CACNA1C: variants seen among roughly 807,000 people sequenced by gnomAD.
CACNA1C encodes voltage-dependent L-type calcium channel subunit alpha-1C.
A neutral mutation model predicts 229.0 loss-of-function variants in CACNA1C; 30 were observed. The observed-to-expected ratio is 0.13, with a 90% CI of 0.10 to 0.18. The LOEUF is 0.18. Ranked by LOEUF, CACNA1C falls within the 10% of genes least tolerant of loss-of-function variation. The probability of loss-of-function intolerance (pLI) is 1.00; values close to 1 mark genes in which losing one functional copy is unlikely to be tolerated. For missense variants in CACNA1C, 1,658 were observed against 2,845.0 expected (o/e 0.58, Z 9.49); for synonymous variants, 1,114 against 1,132.5 (o/e 0.98, Z 0.33).
chr12:2,680,219 C>T (rs2097064880), intron 42 of CACNA1C: 1 of 604,806 alleles, frequency 1.7e-6, no homozygotes, highest in African/African-American at 2.0e-5. Context: ...TTGCCAGCCT[C>T]CCGGAGAGGG....
At chr12:2,075,886 T>C (rs2063020003) in intron 1 of CACNA1C, among the ~76,000 whole-genome samples, 1 of 152,188 alleles carries the variant, frequency 6.6e-6, no homozygotes. Context: ...CCCATTTTGG[T>C]ATAAACAGGG....
At chr12:2,218,323 G>C (rs2154346504) in intron 3 of CACNA1C, among the ~76,000 whole-genome samples, 1 of 152,320 alleles carries the variant, frequency 6.6e-6, no homozygotes, top group Middle Eastern at 3.4e-3. Flanking sequence ...CCTCCAAAGA[G>C]AGAAACCTGC....
At position 2,691,327 on chromosome 12, in the gene CACNA1C, G is replaced by C. The variant is rs1051673259; in HGVS notation, c.*128G>C. 9.8e-7 allele frequency: 1 copy of C among 1,018,314 alleles called. No individual in the cohort carries two copies. 63.1% of individuals were successfully genotyped at this position (1,018,314 alleles called of 1,614,324 possible). A position where few individuals can be genotyped will look rare whatever the true frequency, so the allele number is the denominator to read the frequency against. ...CAGCGTCTTCATTCATTTCTGTTGG[G>C]ACCAGACGCGGAGCCTGGGTGCGCG... On this transcript the variant is annotated 3_prime_UTR_variant, in exon 47 of 47. Transcript: ENST00000399655.
At chr12:2,638,602 C>T (rs1033284059) in intron 30 of CACNA1C, among the ~76,000 whole-genome samples, 1 of 152,200 alleles carries the variant, frequency 6.6e-6, no homozygotes, top group African/African-American at 2.4e-5. Context: ...CAAATGCAGT[C>T]ATCCAGGTGG....
At chr12:2,004,161 T>A (rs746917801) in intron 1 of CACNA1C, 2 of 1,407,708 alleles carry the variant, frequency 1.4e-6, no homozygotes, top group Admixed American at 2.1e-5. Context: ...AGTCCCCAGA[T>A]CCACCCACTT....
At chr12:2,430,610 GCA>G (rs1276117535) in intron 3 of CACNA1C, among the ~76,000 whole-genome samples, 8 of 152,192 alleles carry the variant, frequency 5.3e-5, no homozygotes, top group African/African-American at 1.7e-4. Context: ...CCCAATGCTG[GCA>G]CAGAGTATGT....
intron 3 of CACNA1C, among the ~76,000 whole-genome samples, chr12:2,421,546 T>C (rs1428868399): frequency 6.6e-6 from 1 of 152,174 alleles, no homozygotes; most frequent in Non-Finnish European, 1.5e-5. Flanking sequence ...TAATTCTATC[T>C]CACTACAACA....
At chr12:2,335,823 GT>G (rs2096675184) in intron 3 of CACNA1C, among the ~76,000 whole-genome samples, 1 of 152,152 alleles carries the variant, frequency 6.6e-6, no homozygotes, top group Non-Finnish European at 1.5e-5. Context: ...GATGAAGAAA[GT>G]TGTTGTGACT....
intron 9 of CACNA1C, among the ~76,000 whole-genome samples, chr12:2,533,833 GT>G (rs986454558): frequency 3.9e-5 from 6 of 152,186 alleles, no homozygotes; most frequent in Non-Finnish European, 7.3e-5. Context: ...ATCTCCACCT[GT>G]GGCTGGAGAC....
chr12:2,172,337 GC>G, intron 3 of CACNA1C, among the ~76,000 whole-genome samples: 1 of 152,320 alleles, frequency 6.6e-6, no homozygotes, highest in African/African-American at 2.4e-5. Context: ...AGTTTAAAAG[GC>G]AGCCTTTCCA....
intron 3 of CACNA1C, chr12:2,223,300 A>G (rs2061966783): frequency 6.6e-6 from 1 of 152,248 alleles, no homozygotes; most frequent in Admixed American, 6.5e-5. Flanking sequence ...AGGTCTAACC[A>G]ACTGCAGAGG....
At chr12:2,132,137 T>C (rs1373585972) in intron 3 of CACNA1C, among the ~76,000 whole-genome samples, 1 of 143,090 alleles carries the variant, frequency 7.0e-6, no homozygotes, top group Non-Finnish European at 1.5e-5. Context: ...ATGCTTGTGA[T>C]TTTTGTACAT....
intron 3 of CACNA1C, among the ~76,000 whole-genome samples, chr12:2,343,538 A>G (rs535733519): frequency 6.6e-6 from 1 of 152,314 alleles, no homozygotes; most frequent in South Asian, 2.1e-4. Flanking sequence ...ATACTGAAAA[A>G]AAAATTATTT....
At chr12:2,400,587 A>G (rs1016510962) in intron 3 of CACNA1C, among the ~76,000 whole-genome samples, 3 of 152,194 alleles carry the variant, frequency 2.0e-5, no homozygotes, top group Non-Finnish European at 2.9e-5. Context: ...AGATAATGCA[A>G]ATAACGTGCT....
chr12:2,097,545 A>G (rs1053482629), intron 1 of CACNA1C, among the ~76,000 whole-genome samples: 7 of 152,140 alleles, frequency 4.6e-5, no homozygotes, highest in African/African-American at 1.7e-4. Context: ...ATTTTTCCAC[A>G]TGATTGCCAA....
chr12:2,419,986 T>A (rs527936300), intron 3 of CACNA1C, among the ~76,000 whole-genome samples: 39 of 152,168 alleles, frequency 2.6e-4, no homozygotes, highest in Non-Finnish European at 4.6e-4. Context: ...CATTGCACTT[T>A]CAGCCTTGCT....
chr12:2,573,005 T>C (rs1426107213), intron 13 of CACNA1C, among the ~76,000 whole-genome samples: 5 of 141,700 alleles, frequency 3.5e-5, no homozygotes, highest in East Asian at 2.3e-4. Context: ...TCCTCCTTCT[T>C]CTCCTCCTCC....
At chr12:2,637,202 T>C (rs1482961605) in intron 30 of CACNA1C, among the ~76,000 whole-genome samples, 2 of 152,234 alleles carry the variant, frequency 1.3e-5, no homozygotes, top group Non-Finnish European at 2.9e-5. Flanking sequence ...TTTTTTCATC[T>C]GTCAGAGGAA....
At chr12:2,341,702 C>A in intron 3 of CACNA1C, among the ~76,000 whole-genome samples, 1 of 152,268 alleles carries the variant, frequency 6.6e-6, no homozygotes, top group South Asian at 2.1e-4. Flanking sequence ...TCTCCTCTGA[C>A]TTTTGCCTGC....
Sources: allele counts gnomAD v4.1 joint callset (sites outside exome capture counted in the v4.1 genomes callset), GRCh38; gene constraint gnomAD v4.1.1; transcripts MANE v1.5; gene names NCBI Gene and HGNC (gene_info 2026-07-23, HGNC 2026-07-21).